Variants in DZIP3 observed in about 807,000 individuals in gnomAD.
DZIP3 encodes the protein DAZ interacting zinc finger protein 3.
A neutral mutation model predicts 162.0 loss-of-function variants in DZIP3; 118 were observed. That is an observed-to-expected ratio of 0.73 (90% CI 0.63 to 0.85). The LOEUF (loss-of-function observed/expected upper bound fraction) is 0.85, where lower values mean the gene tolerates loss of function less well. Ranked by LOEUF, DZIP3 falls within the 40% of genes least tolerant of loss-of-function variation. DZIP3 has a pLI of 0.00. For synonymous variants in DZIP3, 438 were observed against 458.6 expected (o/e 0.96, Z 0.57); for missense variants, 1,331 against 1,407.0 (o/e 0.95, Z 0.86).
intron 7 of DZIP3, among the ~76,000 whole-genome samples, chr3:108,626,738 A>G (rs1941608113): frequency 6.6e-6 from 1 of 152,224 alleles, no homozygotes; most frequent in Non-Finnish European, 1.5e-5. Flanking sequence ...TTAATCAACT[A>G]ATCAGTCATA....
intron 21 of DZIP3, among the ~76,000 whole-genome samples, chr3:108,668,401 T>G (rs1401191646): frequency 1.3e-5 from 2 of 152,064 alleles, no homozygotes; most frequent in African/African-American, 4.8e-5. Flanking sequence ...CGTAGCTGAC[T>G]CTTATCTGAG....
chr3:108,654,631 C>T (rs905724071), intron 19 of DZIP3, among the ~76,000 whole-genome samples: 5 of 152,184 alleles, frequency 3.3e-5, no homozygotes, highest in African/African-American at 1.2e-4. Context: ...CATAATCCTA[C>T]TAGATTACAT....
intron 5 of DZIP3, among the ~76,000 whole-genome samples, chr3:108,620,447 G>T (rs1441071211): frequency 6.6e-6 from 1 of 152,174 alleles, no homozygotes; most frequent in East Asian, 1.9e-4. Context: ...TTGCAAGCAG[G>T]ACTTAATAAG....
chr3:108,615,734 TA>T (rs1381782017), intron 4 of DZIP3, among the ~76,000 whole-genome samples: 3 of 152,184 alleles, frequency 2.0e-5, no homozygotes, highest in Non-Finnish European at 1.5e-5. Context: ...GTAAATAAAC[TA>T]TAGTACATAA....
At chr3:108,621,808 C>T (rs1449480044) in intron 5 of DZIP3, among the ~76,000 whole-genome samples, 1 of 152,146 alleles carries the variant, frequency 6.6e-6, no homozygotes, top group Non-Finnish European at 1.5e-5. Flanking sequence ...TTTGCATTCT[C>T]ATGTTTATTG....
At chr3:108,666,202 G>A (rs1943668802) in intron 21 of DZIP3, among the ~76,000 whole-genome samples, 1 of 151,818 alleles carries the variant, frequency 6.6e-6, no homozygotes, top group African/African-American at 2.4e-5. Flanking sequence ...ACCTAAATGA[G>A]AATAAAGCTA....
intron 21 of DZIP3, among the ~76,000 whole-genome samples, chr3:108,663,642 A>G (rs1321388346): frequency 6.6e-6 from 1 of 152,082 alleles, no homozygotes; most frequent in Non-Finnish European, 1.5e-5. Flanking sequence ...GAAATATGTC[A>G]TATAATATCA....
At position 108,633,758 on chromosome 3, in the gene DZIP3, ATC is replaced by A. The variant is rs1269307848; in HGVS notation, c.816+698_816+699del. On this transcript the variant is annotated intron_variant, in intron 9 of 32. Transcript: ENST00000361582. The stretch of plus-strand genomic sequence containing the variant: ...GGATCTATCAGAGTACTTCTGATAG[ATC>A]TCTCTCTCTCTGGATCTATCAGAGT... Among the ~76,000 whole-genome samples, 52 of 76,280 alleles carry A rather than the reference ATC, an allele frequency of 6.8e-4. 6 individuals carry two copies. Among genetic ancestry groups the A allele is most frequent in the African/African-American group, 3.4e-3 (49 of 14,408 alleles). The allele number at this position is 76,280 out of a possible 152,430, so 50.0% of individuals were successfully genotyped here.
At chr3:108,671,440 G>A (rs1273270206) in intron 22 of DZIP3, among the ~76,000 whole-genome samples, 1 of 151,594 alleles carries the variant, frequency 6.6e-6, no homozygotes, top group Non-Finnish European at 1.5e-5. Flanking sequence ...TAGAATTCTG[G>A]GACTCAAGTG....
At chr3:108,605,277 T>C (rs982733523) in intron 1 of DZIP3, 58 bp from the exon 2 acceptor site, 1 of 1,206,288 alleles carries the variant, frequency 8.3e-7, no homozygotes, top group Non-Finnish European at 1.2e-6. Flanking sequence ...TCTGTTTTCA[T>C]AGTGGGGAGA....
intron 12 of DZIP3, among the ~76,000 whole-genome samples, chr3:108,637,898 C>G (rs539482450): frequency 1.3e-5 from 2 of 152,134 alleles, no homozygotes; most frequent in Non-Finnish European, 2.9e-5. Flanking sequence ...TAGAATCTTC[C>G]TGTTTCTTAC....
At chr3:108,691,004 C>A in intron 32 of DZIP3, 101 bp downstream of exon 32, 2 of 915,464 alleles carry the variant, frequency 2.2e-6, no homozygotes, top group Non-Finnish European at 3.2e-6. Context: ...GCTAAAGAAG[C>A]CAGCTAATTT....
chr3:108,662,613 G>C (rs1576439413), intron 21 of DZIP3, among the ~76,000 whole-genome samples: 1 of 152,154 alleles, frequency 6.6e-6, no homozygotes. Flanking sequence ...AAGACACCAA[G>C]GAATCAGTTG....
chr3:108,658,235 T>G (rs1228555030), intron 19 of DZIP3, among the ~76,000 whole-genome samples: 1 of 152,192 alleles, frequency 6.6e-6, no homozygotes, highest in East Asian at 1.9e-4. Context: ...ACCACATAGT[T>G]AGAAGTAAAG....
At chr3:108,689,695 A>G (rs1944622636) in intron 31 of DZIP3, among the ~76,000 whole-genome samples, 1 of 152,140 alleles carries the variant, frequency 6.6e-6, no homozygotes, top group Non-Finnish European at 1.5e-5. Flanking sequence ...TCAAAAAAAG[A>G]AAAAGAAAAA....
At chr3:108,681,391 C>G (rs533952794) in intron 26 of DZIP3, among the ~76,000 whole-genome samples, 3 of 152,042 alleles carry the variant, frequency 2.0e-5, no homozygotes, top group Admixed American at 2.0e-4. Context: ...TACCATCTCA[C>G]GCCAGTTAGA....
intron 24 of DZIP3, among the ~76,000 whole-genome samples, chr3:108,674,508 T>G (rs1944033123): frequency 6.6e-6 from 1 of 151,926 alleles, no homozygotes; most frequent in African/African-American, 2.4e-5. Flanking sequence ...ATTTTTTCCC[T>G]TCCTCTGTAG....
At chr3:108,669,018 A>G (rs982928385) in intron 21 of DZIP3, among the ~76,000 whole-genome samples, 2 of 151,986 alleles carry the variant, frequency 1.3e-5, no homozygotes, top group African/African-American at 4.8e-5. Context: ...GAAATCTGGT[A>G]TGTGAATATA....
intron 18 of DZIP3, among the ~76,000 whole-genome samples, chr3:108,653,507 G>GTATATATATATATATATATA (rs57047978): frequency 9.6e-5 from 10 of 104,612 alleles, no homozygotes; most frequent in African/African-American, 1.3e-4. Context: ...GTGTGTGTGT[G>GTATATATATATATATATATA]TATATATATA....
Sources: gnomAD v4.1 joint callset for allele counts (sites outside exome capture counted in the v4.1 genomes callset) on GRCh38, gnomAD v4.1.1 for gene constraint, MANE v1.5 for transcripts, NCBI Gene and HGNC (gene_info 2026-07-23, HGNC 2026-07-21) for gene names.